Variants in RLBP1 observed in about 807,000 individuals in gnomAD.
RLBP1 encodes the protein retinaldehyde binding protein 1.
RLBP1 carries 26 observed loss-of-function variants against 36.2 expected under a neutral mutation model. The observed-to-expected ratio is 0.72, with a 90% CI of 0.53 to 1.00. The LOEUF is 1.00. Among genes scored for constraint, RLBP1 ranks in the 50% least tolerant of loss-of-function variants. The probability of loss-of-function intolerance (pLI) is 0.00; values close to 1 mark genes in which losing one functional copy is unlikely to be tolerated. For synonymous variants in RLBP1, 155 were observed against 156.2 expected, an observed-to-expected ratio of 0.99 and a Z score of 0.06; for missense variants, 410 against 402.4, an observed-to-expected ratio of 1.02 and a Z score of -0.16.
chr15:89,214,946 T>A lies in RLBP1; in HGVS notation c.525+114A>T. 1.8e-6 allele frequency: 2 copies of A among 1,134,870 alleles called. No individual in the cohort carries two copies. The highest frequency in any genetic ancestry group is 1.5e-5 in the African/African-American group (1 of 65,814). 70.3% of individuals were successfully genotyped at this position (1,134,870 alleles called of 1,614,324 possible). A position where few individuals can be genotyped will look rare whatever the true frequency, so the allele number is the denominator to read the frequency against. On this transcript the variant is annotated intron_variant, in intron 6 of 8. Transcript: ENST00000268125. The surrounding 1 kb of genome is among the most constrained non-coding windows in gnomAD (Gnocchi z 4.6). ...TAGGTGGCAGGTGGCTGCCCACCTTTCCCCCTCTACAGACCTTGCCTCCTG... is the reference window on the plus strand; with the variant it reads ...TAGGTGGCAGGTGGCTGCCCACCTTACCCCCTCTACAGACCTTGCCTCCTG...
chr15:89,217,601 G>A (rs184235543), intron 4 of RLBP1, among the ~76,000 whole-genome samples: 2 of 152,352 alleles, frequency 1.3e-5, no homozygotes, highest in East Asian at 3.9e-4. Context: ...CTAGCAACCT[G>A]CTAAGTCCTT....
rs74029964 is a variant in RLBP1, at chr15:89,216,686, G to T, written c.346+434C>A. ...GTGCCAGAGCGGTTCTGTCCCCGGG[G>T]TTCATTCCCAGGTCTGACACCATCT... On this transcript the variant is annotated intron_variant, in intron 5 of 8. Transcript: ENST00000268125. 6.9e-3 allele frequency among the ~76,000 whole-genome samples: 1,053 copies of T among 152,308 alleles called. 11 individuals carry two copies. Among genetic ancestry groups the T allele is most frequent in the African/African-American group, 0.024 (1,004 of 41,570 alleles).
chr15:89,218,786 C>G lies in RLBP1; in HGVS notation c.13-93G>C. On this transcript the variant is annotated intron_variant, in intron 3 of 8. Transcript: ENST00000268125. The surrounding 1 kb of genome is among the most constrained non-coding windows in gnomAD (Gnocchi z 4.6). ...TGCTCAGACCTTCAGTTCTTTTGCC[C>G]AAGGTCATTGTTAAGCCTCCTCCTT... 3 of 1,593,392 alleles carry G rather than the reference C, an allele frequency of 1.9e-6. No homozygotes were observed. The South Asian group carries it at 3.3e-5, about 18-fold the overall frequency.
At chr15:89,215,509 G>A (rs1333685503) in intron 5 of RLBP1, among the ~76,000 whole-genome samples, 3 of 152,172 alleles carry the variant, frequency 2.0e-5, no homozygotes, top group Non-Finnish European at 2.9e-5. Context: ...ATAAGCTTGG[G>A]CAAACATGAG....
At chr15:89,216,648 C>T (rs1174555224) in intron 5 of RLBP1, among the ~76,000 whole-genome samples, 1 of 152,170 alleles carries the variant, frequency 6.6e-6, no homozygotes, top group Non-Finnish European at 1.5e-5. Flanking sequence ...ATCCTGTCTT[C>T]ATCCAGCCAG....
At chr15:89,212,915 G>A (rs1228843776) in intron 6 of RLBP1, among the ~76,000 whole-genome samples, 2 of 151,684 alleles carry the variant, frequency 1.3e-5, no homozygotes, top group Admixed American at 1.3e-4. Flanking sequence ...TTTTAGTAGA[G>A]ACAGACAGGG....
intron 4 of RLBP1, 120 bp from the exon 5 acceptor site, chr15:89,217,444 G>T: frequency 1.0e-6 from 1 of 986,172 alleles, no homozygotes; most frequent in Non-Finnish European, 1.6e-6. Context: ...GTCTGCAGCC[G>T]CAGCTTTGCT....
In RLBP1 at chr15:89,218,840, A is replaced by G. The variant is rs2051604173; in HGVS notation, c.12+124T>C. On this transcript the variant is annotated intron_variant, in intron 3 of 8. Transcript: ENST00000268125. This position sits in a 1 kb window ranked among gnomAD's most constrained non-coding sequence, Gnocchi z 4.6. ...TGGGGTCAGGACCCACACAGGGGTT[A>G]TAGAAGTGTGTGCCTATATTCCCGG... 5 of 1,500,078 alleles carry G rather than the reference A, an allele frequency of 3.3e-6. No homozygotes were observed. The highest frequency in any genetic ancestry group is 3.4e-4 in the Middle Eastern group (2 of 5,894). 92.9% of individuals were successfully genotyped at this position (1,500,078 alleles called of 1,614,324 possible).
At position 89,210,924 on chromosome 15, in the gene RLBP1, G is replaced by A. The variant is rs942262533; in HGVS notation, c.685-115C>T. The A allele has an allele frequency of 1.9e-5, 14 of 727,522 alleles. No individual in the cohort carries two copies. The highest frequency in any genetic ancestry group is 3.1e-5 in the Non-Finnish European group (13 of 420,930). 45.1% of individuals were successfully genotyped at this position (727,522 alleles called of 1,614,324 possible). On this transcript the variant is annotated intron_variant, in intron 7 of 8. Coordinates refer to ENST00000268125, the MANE Select transcript of RLBP1 (RefSeq NM_000326.5). This position sits in a 1 kb window ranked among gnomAD's most constrained non-coding sequence, Gnocchi z 4.7. Reference sequence around the variant, plus strand: ...GAACAGACTTGTCCAGCATCACAGGGCTGCCCTGGAGAAGGGCCCACTGAA... The same window carrying A: ...GAACAGACTTGTCCAGCATCACAGGACTGCCCTGGAGAAGGGCCCACTGAA...
In RLBP1 at chr15:89,219,004, G is replaced by C. The variant is rs372348013; in HGVS notation, c.-29C>G. On this transcript the variant is annotated 5_prime_UTR_variant, in exon 3 of 9. Coordinates refer to ENST00000268125, the MANE Select transcript of RLBP1 (RefSeq NM_000326.5). ...GCCTATGGAAGACACAGAGTCCTTG[G>C]AAAAAGAAGGGATCTGCTTTCTCTG... The C allele has an allele frequency of 3.1e-6, 5 of 1,614,078 alleles. No homozygotes were observed. Among genetic ancestry groups the C allele is most frequent in the Non-Finnish European group, 4.2e-6 (5 of 1,179,984 alleles).
rs917566577 is a variant in RLBP1, at chr15:89,218,309, G to C, written c.141+256C>G. On this transcript the variant is annotated intron_variant, in intron 4 of 8. Transcript: ENST00000268125. The surrounding 1 kb of genome is among the most constrained non-coding windows in gnomAD (Gnocchi z 4.6). ...TCCAAACCAATGCTTCTCATATTGA[G>C]TCTAGTTTAGAGGGCCCTAGTTCCG... is the stretch of plus-strand genomic sequence containing the variant. 1.3e-5 allele frequency among the ~76,000 whole-genome samples: 2 copies of C among 152,224 alleles called. No homozygotes were observed. The highest frequency in any genetic ancestry group is 2.9e-5 in the Non-Finnish European group (2 of 68,038).
At chr15:89,215,362 A>T in intron 5 of RLBP1, 124 bp from the exon 6 acceptor site, 1 of 841,708 alleles carries the variant, frequency 1.2e-6, no homozygotes, top group South Asian at 1.6e-5. Context: ...TGGCTACTCA[A>T]CCTATCCGAG....
chr15:89,216,549 C>T (rs1453456595), intron 5 of RLBP1, among the ~76,000 whole-genome samples: 2 of 152,156 alleles, frequency 1.3e-5, no homozygotes, highest in African/African-American at 2.4e-5. Flanking sequence ...CTCAAACCCC[C>T]GACTTCAGAT....
At position 89,218,680 on chromosome 15, in the gene RLBP1, C is replaced by T. The variant is rs201258558; in HGVS notation, c.26G>A (p.Arg9His). The change falls in exon 4 of 9, where the codon CGC (arginine) becomes CAC (histidine). Residue 9 changes from arginine to histidine, a missense_variant. By Grantham distance (29) the Arg-to-His change is conservative. Coordinates refer to ENST00000268125, the MANE Select transcript of RLBP1 (RefSeq NM_000326.5). The surrounding 1 kb of genome is among the most constrained non-coding windows in gnomAD (Gnocchi z 4.6). ...CTCCTGTTCCTCTTCAGGTACCATG[C>T]GGAACGTGCCCACCTGGGCAGAGAA... MSEGVGTF[R>H]MVPEEEQELR... 1.6e-5 allele frequency: 26 copies of T among 1,614,022 alleles called. No homozygotes were observed. Among genetic ancestry groups the T allele is most frequent in the South Asian group, 4.4e-5 (4 of 91,082 alleles).
At position 89,215,221 on chromosome 15, in the gene RLBP1, G is replaced by T; in HGVS notation, c.364C>A (p.Leu122Met). Residue 122 changes from leucine to methionine, a missense_variant, in exon 6 of 9, where the codon CTG (leucine) becomes ATG (methionine). By Grantham distance (15) the Leu-to-Met change is conservative. Transcript: ENST00000268125. The stretch of plus-strand genomic sequence containing the variant: ...CTGTCAAAGAGCTCAGGGTACTGCA[G>T]CCGGAAATTCACATAGCCTGGAGGA... Reference protein sequence around the residue: ...ELLRGYVNFRLQYPELFDSLS... With the variant: ...ELLRGYVNFRMQYPELFDSLS... The T allele has an allele frequency of 6.2e-7, 1 of 1,614,160 alleles. No individual in the cohort carries two copies. Among genetic ancestry groups the T allele is most frequent in the Non-Finnish European group, 8.5e-7 (1 of 1,180,022 alleles).
In RLBP1 at chr15:89,221,058, A is replaced by G. The variant is rs1364346889; in HGVS notation, c.-224+477T>C. On this transcript the variant is annotated intron_variant, in intron 1 of 8. Transcript: ENST00000268125. ...GTTTTGTTCTTGTCGCCCAGGCTAG[A>G]GTGCAATGGTGCGATCTCAGCTCAC... 2.1e-5 allele frequency among the ~76,000 whole-genome samples: 3 copies of G among 141,562 alleles called. No individual in the cohort carries two copies. The East Asian group carries it at 6.3e-4, about 30-fold the overall frequency. The allele number at this position is 141,562 out of a possible 152,430, so 92.9% of individuals were successfully genotyped here.
At chr15:89,216,437 T>C (rs368561287) in intron 5 of RLBP1, among the ~76,000 whole-genome samples, 253 of 152,304 alleles carry the variant, frequency 1.7e-3, no homozygotes, top group African/African-American at 5.7e-3. Context: ...ATTCTCCTGC[T>C]TCAGCCTCCC....
Position 89,210,834 on chromosome 15 carries a change from T to C in RLBP1, c.685-25A>G. On this transcript the variant is annotated intron_variant, in intron 7 of 8. Coordinates refer to ENST00000268125, the MANE Select transcript of RLBP1 (RefSeq NM_000326.5). This position sits in a 1 kb window ranked among gnomAD's most constrained non-coding sequence, Gnocchi z 4.7. ...CCTGCGGTGACAGAGAGATACCCCG[T>C]TCCCCATGGCCCCAGTGACCTCAGA... 1 of 1,494,852 alleles carries C rather than the reference T, an allele frequency of 6.7e-7. No homozygotes were observed. Among genetic ancestry groups the C allele is most frequent in the Non-Finnish European group, 9.1e-7 (1 of 1,093,552 alleles). 92.6% of individuals were successfully genotyped at this position (1,494,852 alleles called of 1,614,324 possible).
chr15:89,218,828 C>T lies in RLBP1; in HGVS notation c.13-135G>A. 6.6e-7 allele frequency: 1 copy of T among 1,522,166 alleles called. No individual in the cohort carries two copies. The highest frequency in any genetic ancestry group is 9.0e-7 in the Non-Finnish European group (1 of 1,107,876). 94.3% of individuals were successfully genotyped at this position (1,522,166 alleles called of 1,614,324 possible). A position where few individuals can be genotyped will look rare whatever the true frequency, so the allele number is the denominator to read the frequency against. On this transcript the variant is annotated intron_variant, in intron 3 of 8. Transcript: ENST00000268125. The surrounding 1 kb of genome is among the most constrained non-coding windows in gnomAD (Gnocchi z 4.6). The stretch of plus-strand genomic sequence containing the variant: ...CTCCTCCTTTTGTGGGGTCAGGACC[C>T]ACACAGGGGTTATAGAAGTGTGTGC...
Sources: gnomAD v4.1 joint callset for allele counts (sites outside exome capture counted in the v4.1 genomes callset) on GRCh38, gnomAD v4.1.1 for gene constraint, Gnocchi (gnomAD v3.1) non-coding constraint, MANE v1.5 for transcripts, NCBI Gene and HGNC (gene_info 2026-07-23, HGNC 2026-07-21) for gene names.